The following COL22A1 variants were observed in gnomAD, a reference collection of about 807,000 sequenced individuals.
The protein encoded by COL22A1 is collagen alpha-1(XXII) chain.
COL22A1 carries 221 observed loss-of-function variants against 248.9 expected under a neutral mutation model. That is an observed-to-expected ratio of 0.89 (90% CI 0.80 to 0.99). COL22A1 has a LOEUF of 0.99. Ranked by LOEUF, COL22A1 falls within the 50% of genes least tolerant of loss-of-function variation. COL22A1 has a pLI of 0.00. For synonymous variants in COL22A1, 891 were observed against 793.4 expected, an observed-to-expected ratio of 1.12 and a Z score of -2.07; for missense variants, 2,240 against 2,179.0, an observed-to-expected ratio of 1.03 and a Z score of -0.56.
At position 138,664,383 on chromosome 8, in the gene COL22A1, G is replaced by A. The variant is rs532309082; in HGVS notation, c.3151-643C>T. On this transcript the variant is annotated intron_variant, in intron 41 of 64. Transcript: ENST00000303045. ...TTGATTGACTGGAAGGCATTCACAT[G>A]CATTTCCAAGTCTTGCAGCGAGTGG... Among the ~76,000 whole-genome samples the A allele has an allele frequency of 2.6e-5, 4 of 152,148 alleles. No homozygotes were observed. In the East Asian group the frequency reaches 7.8e-4, roughly 30 times the overall value.
intron 3 of COL22A1, among the ~76,000 whole-genome samples, chr8:138,875,323 C>T (rs1823634512): frequency 6.6e-6 from 1 of 152,164 alleles, no homozygotes; most frequent in Admixed American, 6.5e-5. Context: ...TGGCACATCC[C>T]AGGGACTTGA....
chr8:138,709,392 T>C (rs1828755870), intron 30 of COL22A1, among the ~76,000 whole-genome samples: 1 of 152,110 alleles, frequency 6.6e-6, no homozygotes, highest in Non-Finnish European at 1.5e-5. Context: ...CCAACCCAAA[T>C]GTCCATCAAT....
chr8:138,796,183 C>G (rs1816504478), intron 12 of COL22A1, among the ~76,000 whole-genome samples: 1 of 151,882 alleles, frequency 6.6e-6, no homozygotes, highest in East Asian at 1.9e-4. Context: ...AGAGTAATTT[C>G]TTCTTTAGGA....
intron 34 of COL22A1, 41 bp from the exon 35 acceptor site, chr8:138,693,740 C>T (rs1827269402): frequency 6.5e-7 from 1 of 1,547,072 alleles, no homozygotes; most frequent in African/African-American, 1.4e-5. Flanking sequence ...AAGACACCCT[C>T]AGTGATGCTG....
chr8:138,853,627 C>T (rs1190680104), intron 3 of COL22A1, among the ~76,000 whole-genome samples: 1 of 152,148 alleles, frequency 6.6e-6, no homozygotes, highest in African/African-American at 2.4e-5. Flanking sequence ...AACCAACAAG[C>T]TCATTATTCC....
chr8:138,626,302 A>G, intron 50 of COL22A1, 59 bp from the exon 51 acceptor site: 4 of 1,367,346 alleles, frequency 2.9e-6, no homozygotes, highest in Non-Finnish European at 4.2e-6. Context: ...CTGGAAGTAA[A>G]TGACTTCACA....
At chr8:138,758,635 T>C (rs1370331346) in intron 18 of COL22A1, among the ~76,000 whole-genome samples, 1 of 152,216 alleles carries the variant, frequency 6.6e-6, no homozygotes, top group Non-Finnish European at 1.5e-5. Context: ...AGACCGTCTC[T>C]GCAGTTCCAG....
intron 56 of COL22A1, among the ~76,000 whole-genome samples, chr8:138,612,178 T>C (rs1385681078): frequency 6.6e-6 from 1 of 152,168 alleles, no homozygotes; most frequent in Non-Finnish European, 1.5e-5. Flanking sequence ...GAAAAGGGAA[T>C]TTTCTTGTTA....
At chr8:138,804,667 C>T (rs1265108561) in intron 10 of COL22A1, among the ~76,000 whole-genome samples, 1 of 152,122 alleles carries the variant, frequency 6.6e-6, no homozygotes, top group Admixed American at 6.5e-5. Flanking sequence ...AGAGAAGACT[C>T]ACCAGGGGAG....
At chr8:138,619,807 T>C (rs1005176350) in intron 52 of COL22A1, among the ~76,000 whole-genome samples, 1 of 152,228 alleles carries the variant, frequency 6.6e-6, no homozygotes, top group African/African-American at 2.4e-5. Context: ...TGAGAAATTA[T>C]ATGGCCATCT....
Position 138,716,849 on chromosome 8 carries a change from G to T in COL22A1, c.2376C>A (p.Gly792=). The T allele has an allele frequency of 6.2e-7, 1 of 1,612,174 alleles. No individual in the cohort carries two copies. The highest frequency in any genetic ancestry group is 8.5e-7 in the Non-Finnish European group (1 of 1,178,250). Residue 792 remains glycine (G), a synonymous_variant, in exon 28 of 65, where the codon GGC becomes GGA. Coordinates refer to ENST00000303045, the MANE Select transcript of COL22A1 (RefSeq NM_152888.3). ...CCTTCTCTCCAGGTCGGCCTGCCAG[G>T]CCCTGCTCCCCAATTTCTCCCTGAA... ...PGLRGEIGEQ[G]LAGRPGEKGE...
chr8:138,873,460 T>C (rs1823494722), intron 3 of COL22A1, among the ~76,000 whole-genome samples: 1 of 152,142 alleles, frequency 6.6e-6, no homozygotes, highest in Non-Finnish European at 1.5e-5. Context: ...TTAAACAATA[T>C]TTAGGAGCTC....
chr8:138,732,680 T>A (rs1249029470), intron 23 of COL22A1, among the ~76,000 whole-genome samples: 1 of 152,010 alleles, frequency 6.6e-6, no homozygotes, highest in Non-Finnish European at 1.5e-5. Flanking sequence ...AACAACAAAA[T>A]ATGACTGTTC....
chr8:138,663,421 T>C (rs567466509), intron 42 of COL22A1, among the ~76,000 whole-genome samples: 1 of 152,328 alleles, frequency 6.6e-6, no homozygotes, highest in South Asian at 2.1e-4. Context: ...GCTGAATTCA[T>C]TAAACCATGG....
chr8:138,646,864 G>A (rs1414888698), intron 46 of COL22A1, among the ~76,000 whole-genome samples, 182 bp from the exon 47 acceptor site: 2 of 152,198 alleles, frequency 1.3e-5, no homozygotes, highest in African/African-American at 2.4e-5. Context: ...AGTACTGAGT[G>A]TGGCTGTGCA....
chr8:138,798,858 T>C (rs1004534481), intron 11 of COL22A1, among the ~76,000 whole-genome samples: 3 of 152,202 alleles, frequency 2.0e-5, no homozygotes, highest in African/African-American at 7.2e-5. Flanking sequence ...ACTGAGCATG[T>C]TGAATATGCA....
intron 1 of COL22A1, among the ~76,000 whole-genome samples, chr8:138,889,745 G>A (rs1377946123): frequency 6.6e-6 from 1 of 152,186 alleles, no homozygotes; most frequent in Non-Finnish European, 1.5e-5. Flanking sequence ...TTTGTCTTGT[G>A]AAATAAGAAA....
chr8:138,802,073 T>A (rs370229080), intron 11 of COL22A1, among the ~76,000 whole-genome samples: 6 of 152,308 alleles, frequency 3.9e-5, no homozygotes, highest in African/African-American at 1.4e-4. Flanking sequence ...CTAAACCATT[T>A]ACATGCATCA....
intron 49 of COL22A1, 146 bp from the exon 50 acceptor site, chr8:138,630,894 G>C (rs1820666107): frequency 4.1e-6 from 3 of 724,396 alleles, no homozygotes; most frequent in Middle Eastern, 3.7e-4. Flanking sequence ...CAATATTGTA[G>C]GTGGGCCCTG....
Sources: gnomAD v4.1 joint callset for allele counts (sites outside exome capture counted in the v4.1 genomes callset) on GRCh38, gnomAD v4.1.1 for gene constraint, MANE v1.5 for transcripts, NCBI Gene and HGNC (gene_info 2026-07-23, HGNC 2026-07-21) for gene names.